Variants in CCSER1 observed in about 807,000 individuals in gnomAD.
The protein encoded by CCSER1 is serine-rich coiled-coil domain-containing protein 1.
In CCSER1, 41 loss-of-function variants were observed where a neutral mutation model predicts 82.0. The observed-to-expected ratio is 0.50, with a 90% CI of 0.39 to 0.65. The LOEUF is 0.65. Among genes scored for constraint, CCSER1 ranks in the 30% least tolerant of loss-of-function variants. The pLI is 0.00. For missense variants in CCSER1, 1,119 were observed against 1,064.2 expected, an observed-to-expected ratio of 1.05 and a Z score of -0.72; for synonymous variants, 414 against 383.9, an observed-to-expected ratio of 1.08 and a Z score of -0.92.
At chr4:91,381,832 C>T (rs532715375) in intron 10 of CCSER1, among the ~76,000 whole-genome samples, 1 of 152,284 alleles carries the variant, frequency 6.6e-6, no homozygotes, top group Admixed American at 6.5e-5. Context: ...ATTTTTAGAA[C>T]TTTCAGCTTT....
intron 10 of CCSER1, among the ~76,000 whole-genome samples, chr4:91,498,312 T>A (rs1217028428): frequency 6.6e-6 from 1 of 151,970 alleles, no homozygotes; most frequent in Non-Finnish European, 1.5e-5. Context: ...GAAGAATTAG[T>A]TACACTGTAT....
chr4:91,459,923 T>G (rs1756406087), intron 10 of CCSER1, among the ~76,000 whole-genome samples: 1 of 152,138 alleles, frequency 6.6e-6, no homozygotes, highest in Admixed American at 6.6e-5. Context: ...TGCTTGTTAT[T>G]TGAGATAGCC....
chr4:90,786,729 G>A (rs1754571404), intron 7 of CCSER1, among the ~76,000 whole-genome samples: 1 of 152,152 alleles, frequency 6.6e-6, no homozygotes, highest in Admixed American at 6.6e-5. Context: ...TGTCTGTATG[G>A]TGGGAGGGTT....
At chr4:91,053,251 T>G (rs1056959119) in intron 9 of CCSER1, among the ~76,000 whole-genome samples, 1 of 152,212 alleles carries the variant, frequency 6.6e-6, no homozygotes, top group Non-Finnish European at 1.5e-5. Flanking sequence ...GCTGTCACTA[T>G]GAGCAACAAC....
intron 7 of CCSER1, 126 bp from the exon 8 acceptor site, chr4:90,815,636 T>C (rs1019464764): frequency 1.7e-6 from 1 of 605,896 alleles, no homozygotes; most frequent in Non-Finnish European, 2.8e-6. Context: ...AATATCATAC[T>C]ATAGAGGGAA....
At chr4:90,469,484 A>G (rs910035839) in intron 5 of CCSER1, among the ~76,000 whole-genome samples, 3 of 151,116 alleles carry the variant, frequency 2.0e-5, no homozygotes, top group Non-Finnish European at 4.4e-5. Flanking sequence ...ATGTTTGCCA[A>G]TTGAATTATA....
intron 3 of CCSER1, among the ~76,000 whole-genome samples, chr4:90,388,949 T>A (rs1750530936): frequency 6.6e-6 from 1 of 152,198 alleles, no homozygotes; most frequent in Non-Finnish European, 1.5e-5. Context: ...TGATAAATAT[T>A]AACTTATAAA....
intron 9 of CCSER1, among the ~76,000 whole-genome samples, chr4:90,966,917 A>G (rs1734622063): frequency 6.6e-6 from 1 of 152,136 alleles, no homozygotes; most frequent in Admixed American, 6.5e-5. Context: ...TTCACATGGA[A>G]ATACAAAGTA....
At chr4:90,396,936 C>T (rs747883006) in intron 3 of CCSER1, among the ~76,000 whole-genome samples, 58 of 152,130 alleles carry the variant, frequency 3.8e-4, no homozygotes, top group Middle Eastern at 6.8e-3. Context: ...TGCTAGCTGT[C>T]GGCAAAAGGA....
At chr4:90,802,510 G>C (rs1756965215) in intron 7 of CCSER1, among the ~76,000 whole-genome samples, 1 of 151,778 alleles carries the variant, frequency 6.6e-6, no homozygotes, top group Admixed American at 6.6e-5. Flanking sequence ...TATAAAGATA[G>C]ATCTACAATG....
At position 90,300,821 on chromosome 4, in the gene CCSER1, A is replaced by G. The variant is rs551343257; in HGVS notation, c.-41-7423A>G. On this transcript the variant is annotated intron_variant, in intron 1 of 10. Transcript: ENST00000509176. ...GGTTAATGTATGCATTTGGAATCAC[A>G]AAAGAAAGAGTATTTGTTTTTTGAG... 2.7e-4 allele frequency among the ~76,000 whole-genome samples: 41 copies of G among 152,142 alleles called. No homozygotes were observed. In the South Asian group the frequency reaches 8.1e-3, roughly 30 times the overall value.
intron 5 of CCSER1, among the ~76,000 whole-genome samples, chr4:90,589,836 G>A (rs1031396789): frequency 6.6e-6 from 1 of 152,120 alleles, no homozygotes; most frequent in African/African-American, 2.4e-5. Context: ...TAAGTGAAAT[G>A]TAGTTAACAA....
intron 10 of CCSER1, among the ~76,000 whole-genome samples, chr4:91,592,124 G>A (rs73836290): frequency 0.099 from 15,055 of 152,152 alleles, 763 homozygotes; most frequent in Middle Eastern, 0.16. Context: ...GACCTGGTGT[G>A]TTAGTCCACT....
intron 6 of CCSER1, among the ~76,000 whole-genome samples, chr4:90,632,913 A>C (rs534762827): frequency 3.3e-5 from 5 of 152,188 alleles, no homozygotes; most frequent in South Asian, 4.1e-4. Context: ...CAATTTACTC[A>C]TTGCTGTCAG....
intron 10 of CCSER1, among the ~76,000 whole-genome samples, chr4:91,548,176 C>A (rs186331690): frequency 6.6e-6 from 1 of 152,098 alleles, no homozygotes; most frequent in Admixed American, 6.6e-5. Flanking sequence ...TTACTGGTTG[C>A]GCTAAAGTTT....
chr4:90,590,873 A>G (rs1782607407), intron 5 of CCSER1, among the ~76,000 whole-genome samples: 2 of 152,300 alleles, frequency 1.3e-5, no homozygotes, highest in South Asian at 2.1e-4. Context: ...CATTGAGTCT[A>G]TAAATTACTT....
chr4:90,285,355 T>A (rs1044166141), intron 1 of CCSER1, among the ~76,000 whole-genome samples: 3 of 152,044 alleles, frequency 2.0e-5, no homozygotes, highest in African/African-American at 7.2e-5. Context: ...TGTAGATATC[T>A]TTCACTTGTA....
intron 6 of CCSER1, among the ~76,000 whole-genome samples, chr4:90,705,463 A>G (rs1405707532): frequency 6.6e-6 from 1 of 152,152 alleles, no homozygotes; most frequent in Admixed American, 6.5e-5. Context: ...TCAGATCTCA[A>G]ATTCCATGCT....
chr4:91,577,222 G>A (rs2110300873), intron 10 of CCSER1, among the ~76,000 whole-genome samples: 1 of 151,912 alleles, frequency 6.6e-6, no homozygotes, highest in South Asian at 2.1e-4. Flanking sequence ...CAGTTTATGA[G>A]CATCTCACTT....
Sources: gnomAD v4.1 joint callset for allele counts (sites outside exome capture counted in the v4.1 genomes callset) on GRCh38, gnomAD v4.1.1 for gene constraint, MANE v1.5 for transcripts, NCBI Gene and HGNC (gene_info 2026-07-23, HGNC 2026-07-21) for gene names.